The following TTLL5 variants were observed in gnomAD, a reference collection of about 807,000 sequenced individuals.
TTLL5 encodes the protein tubulin polyglutamylase TTLL5.
A neutral mutation model predicts 168.4 loss-of-function variants in TTLL5; 132 were observed. The ratio of observed to expected loss-of-function variants is 0.78; its 90% confidence interval spans 0.68 to 0.91. The LOEUF is 0.91. Among genes scored for constraint, TTLL5 ranks in the 40% least tolerant of loss-of-function variants. The pLI is 0.00. For synonymous variants in TTLL5, 546 were observed against 558.6 expected, an observed-to-expected ratio of 0.98 and a Z score of 0.32; for missense variants, 1,545 against 1,581.5, an observed-to-expected ratio of 0.98 and a Z score of 0.39.
chr14:75,918,324 G>C (rs1013066529), intron 31 of TTLL5, among the ~76,000 whole-genome samples: 1 of 152,118 alleles, frequency 6.6e-6, no homozygotes, highest in Non-Finnish European at 1.5e-5. Flanking sequence ...AAGAAGGGGG[G>C]ATGGCTAATG....
intron 27 of TTLL5, among the ~76,000 whole-genome samples, chr14:75,799,347 CTTAAGT>C (rs1157463194): frequency 2.6e-5 from 4 of 152,126 alleles, no homozygotes; most frequent in Non-Finnish European, 5.9e-5. Flanking sequence ...ACTCCCTTAC[CTTAAGT>C]TTATGTGAGT....
intron 27 of TTLL5, among the ~76,000 whole-genome samples, chr14:75,796,052 T>A (rs560513395): frequency 6.6e-6 from 1 of 152,330 alleles, no homozygotes; most frequent in South Asian, 2.1e-4. Flanking sequence ...CCACCAACAG[T>A]GTAAAAGTGT....
chr14:75,916,613 G>A (rs1015033565), intron 31 of TTLL5, among the ~76,000 whole-genome samples: 5 of 152,140 alleles, frequency 3.3e-5, no homozygotes, highest in South Asian at 2.1e-4. Context: ...CTCCAGCCTC[G>A]GTGACAGAGC....
intron 9 of TTLL5, chr14:75,712,554 T>G (rs1469811178): frequency 6.8e-6 from 1 of 147,418 alleles, no homozygotes; most frequent in Non-Finnish European, 1.5e-5. Context: ...AACAAACTGG[T>G]TTTTGAATAG....
At chr14:75,676,998 C>G (rs1172825274) in intron 3 of TTLL5, among the ~76,000 whole-genome samples, 2 of 152,112 alleles carry the variant, frequency 1.3e-5, no homozygotes, top group African/African-American at 4.8e-5. Flanking sequence ...ACTCAAATTT[C>G]TGGCCTCAAG....
At chr14:75,697,946 GATTT>G (rs1186121723) in intron 6 of TTLL5, among the ~76,000 whole-genome samples, 1 of 152,152 alleles carries the variant, frequency 6.6e-6, no homozygotes, top group Non-Finnish European at 1.5e-5. Context: ...GCATTTGCTT[GATTT>G]ATTTCCCCAC....
chr14:75,679,609 T>C (rs1458653590), intron 3 of TTLL5, among the ~76,000 whole-genome samples: 8 of 152,196 alleles, frequency 5.3e-5, no homozygotes, highest in Non-Finnish European at 8.8e-5. Flanking sequence ...ATAATCTATC[T>C]CTATCACTAT....
chr14:75,902,849 T>C (rs531925809), intron 31 of TTLL5, among the ~76,000 whole-genome samples: 4 of 152,354 alleles, frequency 2.6e-5, no homozygotes, highest in African/African-American at 7.2e-5. Flanking sequence ...ATATTTATTA[T>C]TGAGTACCTA....
intron 12 of TTLL5, among the ~76,000 whole-genome samples, chr14:75,723,506 A>C (rs143237174): frequency 6.6e-6 from 1 of 152,142 alleles, no homozygotes; most frequent in Non-Finnish European, 1.5e-5. Context: ...TTATTTTTCT[A>C]CATCTACTTG....
intron 29 of TTLL5, among the ~76,000 whole-genome samples, chr14:75,871,664 C>T (rs2139984330): frequency 6.6e-6 from 1 of 152,052 alleles, no homozygotes; most frequent in East Asian, 1.9e-4. Flanking sequence ...TTCCCTCACT[C>T]CGTGGCCTGT....
chr14:75,708,287 T>G (rs1001175073), intron 9 of TTLL5, among the ~76,000 whole-genome samples: 18 of 143,344 alleles, frequency 1.3e-4, no homozygotes, highest in Non-Finnish European at 1.8e-4. Flanking sequence ...TAATTGAGGG[T>G]TTTTTTTTTT....
intron 18 of TTLL5, 48 bp from the exon 19 acceptor site, chr14:75,764,567 G>A (rs1890846969): frequency 1.9e-6 from 3 of 1,606,166 alleles, no homozygotes; most frequent in African/African-American, 1.3e-5. Context: ...TTGGAATGAA[G>A]GAGAGAACTT....
In TTLL5 at chr14:75,785,059, C is replaced by T. The variant is rs78393200; in HGVS notation, c.2986+1529C>T. Among the ~76,000 whole-genome samples the T allele has an allele frequency of 7.7e-3, 1,168 of 151,770 alleles. 14 individuals are homozygous for T. The highest frequency in any genetic ancestry group is 0.027 in the African/African-American group (1,120 of 41,424). Reference sequence around the variant, plus strand: ...GTTATCTTTTCACTTTCTTGAAGCACAAAAGTTTTAGATTTTAATGATGTC... The same window carrying T: ...GTTATCTTTTCACTTTCTTGAAGCATAAAAGTTTTAGATTTTAATGATGTC... On this transcript the variant is annotated intron_variant, in intron 26 of 31. Coordinates refer to ENST00000298832, the MANE Select transcript of TTLL5 (RefSeq NM_015072.5).
intron 9 of TTLL5, chr14:75,709,282 A>T (rs1886880696): frequency 1.4e-6 from 1 of 739,150 alleles, no homozygotes. Context: ...CTATTATTTT[A>T]GAATGGTCTT....
chr14:75,869,727 A>T (rs1377651985), intron 29 of TTLL5, among the ~76,000 whole-genome samples: 3 of 151,730 alleles, frequency 2.0e-5, no homozygotes, highest in Non-Finnish European at 4.4e-5. Context: ...ATTATGCTAT[A>T]TGCTGCCTCC....
rs575075170 is a variant in TTLL5 at position 75,881,839 on chromosome 14, C to A, written c.3523-846C>A. ...GTAACAAAATTGAGACACAAAAAGA[C>A]CATTTCTAATGAGATAAATAAGTTG... On this transcript the variant is annotated intron_variant, in intron 29 of 31. Transcript: ENST00000298832. Among the ~76,000 whole-genome samples the A allele has an allele frequency of 2.6e-5, 4 of 152,218 alleles. 1 individual carries two copies. Among genetic ancestry groups the A allele is most frequent in the African/African-American group, 9.6e-5 (4 of 41,556 alleles).
At chr14:75,798,012 A>G (rs1369569196) in intron 27 of TTLL5, among the ~76,000 whole-genome samples, 2 of 151,912 alleles carry the variant, frequency 1.3e-5, no homozygotes, top group South Asian at 2.1e-4. Flanking sequence ...AATAGTTTCA[A>G]TAAGATTCGT....
chr14:75,675,246 A>G (rs1332094750), intron 3 of TTLL5, among the ~76,000 whole-genome samples: 1 of 152,228 alleles, frequency 6.6e-6, no homozygotes, highest in Non-Finnish European at 1.5e-5. Flanking sequence ...TTCTGATACT[A>G]GGGCACAGCT....
At chr14:75,793,534 G>A (rs959665518) in intron 27 of TTLL5, among the ~76,000 whole-genome samples, 4 of 151,934 alleles carry the variant, frequency 2.6e-5, no homozygotes, top group African/African-American at 7.3e-5. Context: ...TGTTTTATGG[G>A]TAACTGATTA....
Sources: allele counts gnomAD v4.1 joint callset (sites outside exome capture counted in the v4.1 genomes callset), GRCh38; gene constraint gnomAD v4.1.1; transcripts MANE v1.5; gene names NCBI Gene and HGNC (gene_info 2026-07-23, HGNC 2026-07-21).